KLHL1: variants seen among roughly 807,000 people sequenced by gnomAD.
The protein encoded by KLHL1 is kelch-like protein 1.
KLHL1 carries 47 observed loss-of-function variants against 77.7 expected under a neutral mutation model. That is an observed-to-expected ratio of 0.60 (90% CI 0.48 to 0.77). The LOEUF is 0.77. Ranked by LOEUF, KLHL1 falls within the 30% of genes least tolerant of loss-of-function variation. The pLI is 0.00. For missense variants in KLHL1, 925 were observed against 910.8 expected (o/e 1.02, Z -0.20); for synonymous variants, 360 against 325.2 (o/e 1.11, Z -1.15).
intron 4 of KLHL1, among the ~76,000 whole-genome samples, chr13:69,929,227 G>T (rs769252525): frequency 6.6e-6 from 1 of 151,982 alleles, no homozygotes; most frequent in Non-Finnish European, 1.5e-5. Flanking sequence ...GCTACTCAAA[G>T]ACACCCAGTT....
intron 7 of KLHL1, among the ~76,000 whole-genome samples, chr13:69,741,668 G>A (rs959493379): frequency 6.6e-6 from 1 of 152,068 alleles, no homozygotes; most frequent in African/African-American, 2.4e-5. Flanking sequence ...TGTGTCTAGA[G>A]CCCTGACTTC....
intron 7 of KLHL1, among the ~76,000 whole-genome samples, chr13:69,771,048 T>C (rs1875539650): frequency 6.6e-6 from 1 of 152,214 alleles, no homozygotes; most frequent in Non-Finnish European, 1.5e-5. Context: ...ACTACTGTAA[T>C]ATGTGGTCAA....
chr13:70,102,191 C>T (rs370318542), intron 1 of KLHL1, among the ~76,000 whole-genome samples: 1 of 152,190 alleles, frequency 6.6e-6, no homozygotes, highest in African/African-American at 2.4e-5. Context: ...CACTAATCTC[C>T]ATGAGATTTT....
intron 4 of KLHL1, among the ~76,000 whole-genome samples, chr13:69,907,294 T>A (rs187393808): frequency 6.5e-4 from 99 of 152,128 alleles, no homozygotes; most frequent in Admixed American, 1.6e-3. Flanking sequence ...GAATGTTAGA[T>A]TGACAACTCA....
intron 3 of KLHL1, among the ~76,000 whole-genome samples, chr13:69,957,396 A>G (rs2137264351): frequency 6.6e-6 from 1 of 151,802 alleles, no homozygotes; most frequent in Admixed American, 6.6e-5. Context: ...TTCTATACAG[A>G]TGGTTCCTGA....
Position 69,940,133 on chromosome 13 carries a change from C to T in KLHL1, c.921G>A (p.Lys307=). 1 of 1,613,068 alleles carries T rather than the reference C, an allele frequency of 6.2e-7. No homozygotes were observed. Among genetic ancestry groups the T allele is most frequent in the East Asian group, 2.2e-5 (1 of 44,828 alleles). The change falls in exon 4 of 11, where the codon AAG becomes AAA. Residue 307 remains lysine, a synonymous_variant. Coordinates refer to ENST00000377844, the MANE Select transcript of KLHL1 (RefSeq NM_020866.3). ...VVEVCCHFLM[K]LLHPSNCLGI... Reference sequence around the variant, plus strand: ...CTAAACAGTTAGATGGATGCAAAAGCTTCATGAGGAAGTGGCAGCACACTT... The same window carrying T: ...CTAAACAGTTAGATGGATGCAAAAGTTTCATGAGGAAGTGGCAGCACACTT...
At chr13:69,939,352 T>TATATATATATATACATATACATAC (rs1555283227) in intron 4 of KLHL1, among the ~76,000 whole-genome samples, 1 of 62,520 alleles carries the variant, frequency 1.6e-5, no homozygotes, top group African/African-American at 6.1e-5. Flanking sequence ...TATATATATA[T>TATATATATATATACATATACATAC]ATATATATAT....
chr13:69,719,456 G>T lies in KLHL1; in HGVS notation c.1928C>A (p.Ala643Asp), dbSNP rs756108438. The T allele has an allele frequency of 1.1e-5, 18 of 1,613,380 alleles. No individual in the cohort carries two copies. Among genetic ancestry groups the T allele is most frequent in the Admixed American group, 5.0e-5 (3 of 59,858 alleles). ...MCKRRGGVGV[A>D]TCDGFLYAVG... ...TGCATAAAGAAAACCGTCACATGTG[G>T]CCACTCCGACACCCCCTCTCCTCTT... is the stretch of plus-strand genomic sequence containing the variant. The change falls in exon 9 of 11, where the codon GCC becomes GAC. Residue 643 changes from alanine (A) to aspartate (D), a missense_variant. Transcript: ENST00000377844.
intron 5 of KLHL1, among the ~76,000 whole-genome samples, chr13:69,870,789 C>T (rs1174875125): frequency 6.6e-6 from 1 of 151,828 alleles, no homozygotes; most frequent in Admixed American, 6.6e-5. Context: ...CTTGACACTC[C>T]AAAATCATCT....
chr13:69,934,972 ATATATATATATATATATG>A (rs1159662353), intron 4 of KLHL1, among the ~76,000 whole-genome samples: 2 of 134,478 alleles, frequency 1.5e-5, no homozygotes, highest in African/African-American at 3.1e-5. Context: ...GTATATATAT[ATATATATATATATATATG>A]TATATATATA....
intron 7 of KLHL1, among the ~76,000 whole-genome samples, chr13:69,744,666 C>CA (rs1431795915): frequency 6.6e-6 from 1 of 151,640 alleles, no homozygotes; most frequent in African/African-American, 2.4e-5. Context: ...ACACCCCCCC[C>CA]AAAAGCTAAC....
chr13:70,055,404 A>G (rs1886721435), intron 1 of KLHL1, among the ~76,000 whole-genome samples: 2 of 152,286 alleles, frequency 1.3e-5, no homozygotes, highest in East Asian at 3.9e-4. Flanking sequence ...GAACTGTCCT[A>G]CAAGAAATGC....
chr13:69,987,188 T>C (rs56863220), intron 1 of KLHL1, among the ~76,000 whole-genome samples: 23,706 of 151,960 alleles, frequency 0.16, 3,926 homozygotes, highest in African/African-American at 0.42. Flanking sequence ...CTGACTACAC[T>C]AAAAATACTA....
At chr13:69,900,198 T>C (rs1881806434) in intron 4 of KLHL1, among the ~76,000 whole-genome samples, 1 of 152,178 alleles carries the variant, frequency 6.6e-6, no homozygotes, top group Non-Finnish European at 1.5e-5. Context: ...TCGGATTCAT[T>C]GGTATCATAT....
At chr13:69,956,146 ATT>A (rs1883879779) in intron 3 of KLHL1, among the ~76,000 whole-genome samples, 1 of 142,088 alleles carries the variant, frequency 7.0e-6, no homozygotes, top group African/African-American at 2.6e-5. Context: ...TGATATATAT[ATT>A]TATATATATT....
At chr13:69,704,966 T>C (rs1487395542) in intron 10 of KLHL1, among the ~76,000 whole-genome samples, 1 of 4,024 alleles carries the variant, frequency 2.5e-4, no homozygotes, top group Non-Finnish European at 0.022. Flanking sequence ...AAAGTACACT[T>C]AGTTGCACAA....
At position 70,098,227 on chromosome 13, in the gene KLHL1, G is replaced by A. The variant is rs187831066; in HGVS notation, c.497+8976C>T. Among the ~76,000 whole-genome samples the A allele has an allele frequency of 4.1e-3, 621 of 149,818 alleles. 1 individual carries two copies. Among genetic ancestry groups the A allele is most frequent in the Non-Finnish European group, 7.3e-3 (482 of 66,154 alleles). On this transcript the variant is annotated intron_variant, in intron 1 of 10. Transcript: ENST00000377844. ...CTCAATAAATATTCAGGTGAGGTAA[G>A]TAAGGCTGACTTGGTGACCTCATGT...
intron 1 of KLHL1, among the ~76,000 whole-genome samples, chr13:69,995,779 TTC>T (rs1246694765): frequency 6.6e-6 from 1 of 152,104 alleles, no homozygotes; most frequent in East Asian, 1.9e-4. Context: ...CCCTGGTGTG[TTC>T]CACCAGATGA....
intron 7 of KLHL1, among the ~76,000 whole-genome samples, chr13:69,779,361 TTCCTTCCTC>T (rs1876011094): frequency 6.6e-6 from 1 of 151,232 alleles, no homozygotes; most frequent in Non-Finnish European, 1.5e-5. Flanking sequence ...CTTTTTTCCT[TTCCTTCCTC>T]CCCTCCCCTC....
Sources: allele counts gnomAD v4.1 joint callset (sites outside exome capture counted in the v4.1 genomes callset), GRCh38; gene constraint gnomAD v4.1.1; transcripts MANE v1.5; gene names NCBI Gene and HGNC (gene_info 2026-07-23, HGNC 2026-07-21).